The following GRXCR1 variants were observed in gnomAD, a reference collection of about 807,000 sequenced individuals.
GRXCR1 encodes the protein glutaredoxin and cysteine rich domain containing 1.
A neutral mutation model predicts 27.3 loss-of-function variants in GRXCR1; 27 were observed. That is an observed-to-expected ratio of 0.99 (90% confidence interval 0.73 to 1.37). The LOEUF (loss-of-function observed/expected upper bound fraction) is 1.37, where lower values mean the gene tolerates loss of function less well. Among genes scored for constraint, GRXCR1 ranks in the 40% most tolerant of loss-of-function variants. The pLI is 0.00. For missense variants in GRXCR1, 379 were observed against 354.4 expected, an observed-to-expected ratio of 1.07 and a Z score of -0.56; for synonymous variants, 122 against 131.1, an observed-to-expected ratio of 0.93 and a Z score of 0.47.
At chr4:42,930,749 A>G (rs1272437324) in intron 1 of GRXCR1, among the ~76,000 whole-genome samples, 1 of 152,014 alleles carries the variant, frequency 6.6e-6, no homozygotes. Flanking sequence ...CAGATCATCG[A>G]TAGACATAGT....
At chr4:42,935,798 C>T (rs1302004743) in intron 1 of GRXCR1, among the ~76,000 whole-genome samples, 1 of 151,850 alleles carries the variant, frequency 6.6e-6, no homozygotes, top group Non-Finnish European at 1.5e-5. Context: ...CGTTTTATTA[C>T]TTGGAAGTCT....
chr4:42,955,145 T>C (rs192339641), intron 1 of GRXCR1, among the ~76,000 whole-genome samples: 154 of 152,188 alleles, frequency 1.0e-3, no homozygotes, highest in African/African-American at 3.6e-3. Context: ...AATCAAGAAA[T>C]CTGGGTCTAG....
chr4:43,021,843 T>C (rs1346606786), intron 3 of GRXCR1, among the ~76,000 whole-genome samples: 2 of 152,204 alleles, frequency 1.3e-5, no homozygotes, highest in Non-Finnish European at 2.9e-5. Flanking sequence ...TTAAATCTCC[T>C]TTTTTCCATA....
intron 2 of GRXCR1, among the ~76,000 whole-genome samples, chr4:42,994,813 T>C (rs1176294286): frequency 6.6e-6 from 1 of 152,028 alleles, no homozygotes; most frequent in Admixed American, 6.6e-5. Context: ...GAAAGTTCAC[T>C]GTTAGTTTAT....
At chr4:42,894,603 A>T (rs1746308505) in intron 1 of GRXCR1, among the ~76,000 whole-genome samples, 1 of 152,244 alleles carries the variant, frequency 6.6e-6, no homozygotes, top group Non-Finnish European at 1.5e-5. Flanking sequence ...AAAGTACTTA[A>T]ATATTTTTTA....
intron 1 of GRXCR1, among the ~76,000 whole-genome samples, chr4:42,936,781 A>G (rs539353694): frequency 4.0e-5 from 6 of 151,852 alleles, no homozygotes; most frequent in African/African-American, 1.4e-4. Flanking sequence ...TTTGTTCAGT[A>G]TTTTCTCCAC....
chr4:42,938,940 T>A (rs1326038064), intron 1 of GRXCR1, among the ~76,000 whole-genome samples: 1 of 151,954 alleles, frequency 6.6e-6, no homozygotes, highest in Non-Finnish European at 1.5e-5. Context: ...TTATGTGATG[T>A]GATTCCTCCA....
intron 2 of GRXCR1, among the ~76,000 whole-genome samples, chr4:43,014,111 C>A (rs1217228937): frequency 4.6e-5 from 7 of 151,230 alleles, no homozygotes; most frequent in Non-Finnish European, 8.8e-5. Context: ...ATTCTTCCTG[C>A]CAGGGATACA....
intron 2 of GRXCR1, among the ~76,000 whole-genome samples, chr4:42,987,223 T>TTATATATTATATATA (rs1711774385): frequency 4.3e-5 from 2 of 46,264 alleles, no homozygotes; most frequent in African/African-American, 7.0e-5. Flanking sequence ...ATATATATAT[T>TTATATATTATATATA]ATATATTATA....
At chr4:42,961,517 T>G (rs1247687725) in intron 1 of GRXCR1, among the ~76,000 whole-genome samples, 1 of 151,986 alleles carries the variant, frequency 6.6e-6, no homozygotes, top group African/African-American at 2.4e-5. Context: ...AACAATTGCC[T>G]AATCTGTGTA....
chr4:42,969,669 C>T (rs1748336891), intron 2 of GRXCR1, among the ~76,000 whole-genome samples: 1 of 152,052 alleles, frequency 6.6e-6, no homozygotes. Context: ...CTCCATGATT[C>T]AATCACCTCC....
chr4:42,920,848 T>G (rs80341723), intron 1 of GRXCR1, among the ~76,000 whole-genome samples: 3,785 of 152,226 alleles, frequency 0.025, 80 homozygotes, highest in Non-Finnish European at 0.042. Context: ...TTCCCTCTGG[T>G]TTTTTTGATT....
chr4:42,980,449 T>G (rs961228379), intron 2 of GRXCR1, among the ~76,000 whole-genome samples: 2 of 152,056 alleles, frequency 1.3e-5, no homozygotes, highest in African/African-American at 4.8e-5. Flanking sequence ...GTAAATTTTT[T>G]GAAGTTTCTC....
intron 1 of GRXCR1, among the ~76,000 whole-genome samples, chr4:42,938,725 A>G (rs1747518536): frequency 6.6e-6 from 1 of 151,992 alleles, no homozygotes; most frequent in Non-Finnish European, 1.5e-5. Flanking sequence ...GCATATGGAT[A>G]TTCAGTTTTC....
At chr4:42,974,558 C>G (rs1748464655) in intron 2 of GRXCR1, among the ~76,000 whole-genome samples, 4 of 152,096 alleles carry the variant, frequency 2.6e-5, no homozygotes, top group Admixed American at 2.6e-4. Context: ...CATTTCATTT[C>G]TTCCCCCAAC....
chr4:43,028,774 C>A (rs924557424), intron 3 of GRXCR1, among the ~76,000 whole-genome samples: 3 of 151,924 alleles, frequency 2.0e-5, no homozygotes, highest in Admixed American at 6.6e-5. Context: ...TTTTTTAAGT[C>A]AATTCTTGCA....
intron 2 of GRXCR1, among the ~76,000 whole-genome samples, chr4:42,999,506 C>T (rs1712280476): frequency 2.0e-5 from 3 of 152,220 alleles, no homozygotes; most frequent in East Asian, 1.9e-4. Context: ...CATCCACTCC[C>T]CTTTCTTTGG....
At chr4:42,936,575 A>G (rs1007807228) in intron 1 of GRXCR1, among the ~76,000 whole-genome samples, 30 of 151,938 alleles carry the variant, frequency 2.0e-4, no homozygotes, top group Admixed American at 1.5e-3. Context: ...TAATGAACCA[A>G]TACTGATAAA....
intron 2 of GRXCR1, among the ~76,000 whole-genome samples, chr4:42,997,476 G>A (rs558769528): frequency 1.5e-4 from 23 of 152,246 alleles, no homozygotes; most frequent in South Asian, 1.0e-3. Context: ...TATCTTCTGA[G>A]GCTTTAACAT....
Sources: allele counts gnomAD v4.1 joint callset (sites outside exome capture counted in the v4.1 genomes callset), GRCh38; gene constraint gnomAD v4.1.1; transcripts MANE v1.5; gene names NCBI Gene and HGNC (gene_info 2026-07-23, HGNC 2026-07-21).